ZNF385D: variants seen among roughly 807,000 people sequenced by gnomAD.
The protein encoded by ZNF385D is zinc finger protein 659.
ZNF385D carries 15 observed loss-of-function variants against 35.8 expected under a neutral mutation model. The observed-to-expected ratio is 0.42, with a 90% CI of 0.28 to 0.64. The LOEUF (loss-of-function observed/expected upper bound fraction) is 0.64, where lower values mean the gene tolerates loss of function less well. Among genes scored for constraint, ZNF385D ranks in the 30% least tolerant of loss-of-function variants. The probability of loss-of-function intolerance (pLI) is 0.23; values close to 1 mark genes in which losing one functional copy is unlikely to be tolerated. For missense variants in ZNF385D, 474 were observed against 494.6 expected (o/e 0.96, Z 0.39); for synonymous variants, 212 against 186.8 (o/e 1.13, Z -1.10).
At chr3:22,229,742 C>T (rs1018751903) in intron 2 of ZNF385D, among the ~76,000 whole-genome samples, 7 of 152,152 alleles carry the variant, frequency 4.6e-5, no homozygotes, top group African/African-American at 1.7e-4. Flanking sequence ...GTCACTCAAA[C>T]ATTTTTTTTA....
chr3:22,184,597 G>C lies in ZNF385D; in HGVS notation c.107-15562C>G, dbSNP rs145729099. Among the ~76,000 whole-genome samples the C allele has an allele frequency of 2.0e-4, 30 of 152,228 alleles. No homozygotes were observed. The East Asian group carries it at 5.2e-3, about 26-fold the overall frequency. ...TCCCAGCACTTTGGGAGGCCGAAGA[G>C]GGTGGATCACCTGAGGTCAGGAATT... On this transcript the variant is annotated intron_variant, in intron 2 of 5. Transcript: ENST00000494108.
chr3:22,340,926 G>T (rs922033012), intron 2 of ZNF385D, among the ~76,000 whole-genome samples: 5 of 152,134 alleles, frequency 3.3e-5, no homozygotes, highest in East Asian at 1.9e-4. Context: ...TCTTTCCTTT[G>T]TATATTCTAT....
At chr3:21,495,998 G>A (rs1434515284) in intron 4 of ZNF385D, among the ~76,000 whole-genome samples, 3 of 151,868 alleles carry the variant, frequency 2.0e-5, no homozygotes, top group Non-Finnish European at 4.4e-5. Context: ...ATTGAACAAG[G>A]AAGAAATTGA....
At chr3:21,590,215 C>T (rs1295603229) in intron 2 of ZNF385D, among the ~76,000 whole-genome samples, 2 of 151,994 alleles carry the variant, frequency 1.3e-5, no homozygotes, top group Non-Finnish European at 2.9e-5. Context: ...ATCTCAGACA[C>T]ATAATAGGGA....
At position 21,474,471 on chromosome 3, in the gene ZNF385D, G is replaced by A. The variant is rs1041786385; in HGVS notation, c.439+36390C>T. ...CTTTCAGGTAACATGAGAGTAACAC[G>A]AGGTTCTGGGAGGCCAAATCACTCT... On this transcript the variant is annotated intron_variant, in intron 4 of 7. Transcript: ENST00000281523. Among the ~76,000 whole-genome samples the A allele has an allele frequency of 4.6e-5, 7 of 152,048 alleles. 1 individual carries two copies. Among genetic ancestry groups the A allele is most frequent in the African/African-American group, 1.4e-4 (6 of 41,422 alleles).
At chr3:22,164,405 T>G (rs1706177770) in intron 3 of ZNF385D, among the ~76,000 whole-genome samples, 1 of 151,726 alleles carries the variant, frequency 6.6e-6, no homozygotes. Flanking sequence ...ATTTTTGTAT[T>G]TTTAGTAGAG....
intron 3 of ZNF385D, among the ~76,000 whole-genome samples, chr3:22,154,400 G>C (rs1265553567): frequency 1.3e-5 from 2 of 152,090 alleles, no homozygotes; most frequent in Non-Finnish European, 2.9e-5. Context: ...ATCCAGAGTA[G>C]GACCAACATT....
At chr3:21,480,629 G>A (rs1047249561) in intron 4 of ZNF385D, among the ~76,000 whole-genome samples, 1 of 152,054 alleles carries the variant, frequency 6.6e-6, no homozygotes, top group Non-Finnish European at 1.5e-5. Context: ...TCTTTTTACT[G>A]TAATGATCAC....
rs565964199 is a variant in ZNF385D, at chr3:21,797,760, T to C, written c.326-132732A>G. On this transcript the variant is annotated intron_variant, in intron 3 of 5. Coordinates refer to the ZNF385D transcript ENST00000494108. ...AACGAGCAAATTTGAAGAGGCCCCA[T>C]GCTATATGATTTCAACTATATGACA... Among the ~76,000 whole-genome samples, 15 of 152,174 alleles carry C rather than the reference T, an allele frequency of 9.9e-5. No homozygotes were observed. In the East Asian group the frequency reaches 2.9e-3, roughly 29 times the overall value.
intron 1 of ZNF385D, among the ~76,000 whole-genome samples, chr3:21,742,615 C>G (rs914067364): frequency 3.9e-5 from 6 of 152,154 alleles, no homozygotes; most frequent in African/African-American, 1.4e-4. Context: ...AAGGGAGAAA[C>G]CAGGGTATTT....
intron 3 of ZNF385D, among the ~76,000 whole-genome samples, 165 bp from the exon 4 acceptor site, chr3:21,511,188 T>C (rs1243350757): frequency 3.3e-5 from 5 of 152,060 alleles, no homozygotes; most frequent in Non-Finnish European, 5.9e-5. Context: ...TAGAAAGCAA[T>C]GGGAATCCAG....
chr3:22,306,517 A>T (rs2125420051), intron 2 of ZNF385D, among the ~76,000 whole-genome samples: 1 of 152,228 alleles, frequency 6.6e-6, no homozygotes, highest in Middle Eastern at 3.4e-3. Context: ...GCTCCATTAA[A>T]TAACAACCTT....
chr3:22,126,573 G>T (rs567428854), intron 3 of ZNF385D, among the ~76,000 whole-genome samples: 1 of 151,878 alleles, frequency 6.6e-6, no homozygotes, highest in Non-Finnish European at 1.5e-5. Context: ...TTTTCTGAAC[G>T]TTTTAAGACT....
At chr3:21,469,291 A>G (rs899801240) in intron 4 of ZNF385D, among the ~76,000 whole-genome samples, 2 of 152,218 alleles carry the variant, frequency 1.3e-5, no homozygotes, top group South Asian at 4.1e-4. Context: ...TTGAAAAATA[A>G]TCATGGTCAC....
At chr3:21,878,456 T>C (rs1160206733) in intron 3 of ZNF385D, among the ~76,000 whole-genome samples, 1 of 152,064 alleles carries the variant, frequency 6.6e-6, no homozygotes, top group East Asian at 1.9e-4. Context: ...ATTAGTATTG[T>C]TTTGTGTATG....
intron 2 of ZNF385D, among the ~76,000 whole-genome samples, chr3:21,565,628 A>AAT (rs1445276586): frequency 6.6e-6 from 1 of 152,106 alleles, no homozygotes; most frequent in Non-Finnish European, 1.5e-5. Context: ...TAATTCATGA[A>AAT]ATTTACTTAG....
At chr3:22,158,768 G>A (rs1705754343) in intron 3 of ZNF385D, among the ~76,000 whole-genome samples, 1 of 151,928 alleles carries the variant, frequency 6.6e-6, no homozygotes, top group Non-Finnish European at 1.5e-5. Flanking sequence ...GCCAGGCCTG[G>A]TGTAGATCTA....
At chr3:21,497,993 C>G (rs1174486793) in intron 4 of ZNF385D, among the ~76,000 whole-genome samples, 3 of 152,288 alleles carry the variant, frequency 2.0e-5, no homozygotes, top group Admixed American at 1.3e-4. Context: ...GTAACCAAAA[C>G]AGCAAGGTAC....
intron 1 of ZNF385D, among the ~76,000 whole-genome samples, chr3:21,704,264 T>G (rs1199637590): frequency 6.6e-6 from 1 of 152,138 alleles, no homozygotes. Context: ...CTCTTTGTTC[T>G]TCAGGATTCT....
Sources: gnomAD v4.1 joint callset for allele counts (sites outside exome capture counted in the v4.1 genomes callset) on GRCh38, gnomAD v4.1.1 for gene constraint, MANE v1.5 for transcripts, NCBI Gene and HGNC (gene_info 2026-07-23, HGNC 2026-07-21) for gene names.